Variants in HS3ST6 observed in about 807,000 individuals in gnomAD.
HS3ST6 encodes the protein heparan sulfate glucosamine 3-O-sulfotransferase 6.
HS3ST6 carries 13 observed loss-of-function variants against 11.0 expected under a neutral mutation model. The ratio of observed to expected loss-of-function variants is 1.18; its 90% CI spans 0.77 to 1.88. HS3ST6 has a LOEUF of 1.88. Among genes scored for constraint, HS3ST6 ranks in the 40% most tolerant of loss-of-function variants. The pLI is 0.00. For synonymous variants in HS3ST6, 232 were observed against 230.6 expected, an observed-to-expected ratio of 1.01 and a Z score of -0.06; for missense variants, 541 against 494.4, an observed-to-expected ratio of 1.09 and a Z score of -0.89.
At chr16:1,914,663 CCTT>C (rs2082914259) in intron 1 of HS3ST6, among the ~76,000 whole-genome samples, 1 of 152,166 alleles carries the variant, frequency 6.6e-6, no homozygotes, top group African/African-American at 2.4e-5. Context: ...CCCTGCCAGG[CCTT>C]CTCTCCAAAG....
chr16:1,920,426 T>C (rs960778198), upstream of HS3ST6, among the ~76,000 whole-genome samples: 4 of 151,208 alleles, frequency 2.6e-5, no homozygotes, highest in Non-Finnish European at 5.9e-5. Context: ...GTCTCAGCCA[T>C]CCCCACGGTC....
In HS3ST6 at chr16:1,912,433, G is replaced by A. The variant is rs527935886; in HGVS notation, c.414-228C>T. Among the ~76,000 whole-genome samples the A allele has an allele frequency of 3.9e-5, 6 of 152,218 alleles. No individual in the cohort carries two copies. The highest frequency in any genetic ancestry group is 1.3e-4 in the Admixed American group (2 of 15,292). On this transcript the variant is annotated intron_variant, in intron 1 of 1. Coordinates refer to ENST00000454677, the MANE Select transcript of HS3ST6 (RefSeq NM_001009606.4). The surrounding 1 kb of genome is among the most constrained non-coding windows in gnomAD (Gnocchi z 5.6). ...ACCTGCCTGCAGCCCGGCCTGTTCC[G>A]CCGGCCTGCCCCGCCTGCTGCTGCA...
rs1236277926 is a variant in HS3ST6, at chr16:1,911,497, T to G, written c.*93A>C. 4 of 1,377,064 alleles carry G rather than the reference T, an allele frequency of 2.9e-6. No individual in the cohort carries two copies. The East Asian group carries it at 1.0e-4, about 35-fold the overall frequency. 85.3% of individuals were successfully genotyped at this position (1,377,064 alleles called of 1,614,324 possible). A position where few individuals can be genotyped will look rare whatever the true frequency, so the allele number is the denominator to read the frequency against. ...AAATCTGGGTCCAAGCTTTATTTCT[T>G]AAATATTCCTCTCTGCCCAGCATGT... On this transcript the variant is annotated 3_prime_UTR_variant, in exon 2 of 2. Coordinates refer to ENST00000454677, the MANE Select transcript of HS3ST6 (RefSeq NM_001009606.4).
rs1231186550 is a variant in HS3ST6 at position 1,918,073 on chromosome 16, C to G, written c.251G>C (p.Gly84Ala). Residue 84 changes from glycine to alanine, a missense_variant, in exon 1 of 2, where the codon GGT becomes GCT. Gly to Ala is a moderately conservative substitution (Grantham distance 60). Transcript: ENST00000454677. The surrounding 1 kb of genome is among the most constrained non-coding windows in gnomAD (Gnocchi z 6.0). Reference protein sequence around the residue: ...PGAPGLPLASGPGRRRFPQAL... With the variant: ...PGAPGLPLASAPGRRRFPQAL... Reference sequence around the variant, plus strand: ...TTGCGGGAAGCGCCGGCGGCCGGGACCGCTGGCCAAAGGCAGGCCGGGTGC... The same window carrying G: ...TTGCGGGAAGCGCCGGCGGCCGGGAGCGCTGGCCAAAGGCAGGCCGGGTGC... 1 of 1,505,464 alleles carries G rather than the reference C, an allele frequency of 6.6e-7. No homozygotes were observed. The highest frequency in any genetic ancestry group is 8.8e-7 in the Non-Finnish European group (1 of 1,133,372). The allele number at this position is 1,505,464 out of a possible 1,614,324, so 93.3% of individuals were successfully genotyped here. A position where few individuals can be genotyped will look rare whatever the true frequency, so the allele number is the denominator to read the frequency against.
chr16:1,912,076 C>T lies in HS3ST6; in HGVS notation c.543G>A (p.Arg181=). The change falls in exon 2 of 2, where the codon CGG becomes CGA. Residue 181 remains arginine, a synonymous_variant. Coordinates refer to ENST00000454677, the MANE Select transcript of HS3ST6 (RefSeq NM_001009606.4). The surrounding 1 kb of genome is among the most constrained non-coding windows in gnomAD (Gnocchi z 5.6). ...SPDTKLIVVV[R]NPVTRAISDY... ...CGGAGATGGCCCGGGTCACGGGGTT[C>T]CGCACCACCACGATCAGCTTCGTGT... 6.6e-7 allele frequency: 1 copy of T among 1,513,384 alleles called. No individual in the cohort carries two copies. Among genetic ancestry groups the T allele is most frequent in the African/African-American group, 1.4e-5 (1 of 71,254 alleles). The allele number at this position is 1,513,384 out of a possible 1,614,324, so 93.7% of individuals were successfully genotyped here. A position where few individuals can be genotyped will look rare whatever the true frequency, so the allele number is the denominator to read the frequency against.
intron 1 of HS3ST6, among the ~76,000 whole-genome samples, chr16:1,916,333 C>A (rs925966144): frequency 5.3e-5 from 8 of 151,964 alleles, no homozygotes; most frequent in Admixed American, 1.3e-4. Context: ...ACCCACCCCT[C>A]CCCCTTCTAA....
chr16:1,911,881 G>A lies in HS3ST6; in HGVS notation c.738C>T (p.Phe246=), dbSNP rs369204071. ...LRYFPLSHFL[F]VSGERLVSDP... is the part of the protein sequence containing the mutation. ...CGCTGACCAGACGCTCCCCGCTGAC[G>A]AACAGGAAGTGGGACAGGGGGAAGT... is the stretch of plus-strand genomic sequence containing the variant. Residue 246 remains phenylalanine, a synonymous_variant, in exon 2 of 2, where the codon TTC becomes TTT. Transcript: ENST00000454677. 1.2e-5 allele frequency: 19 copies of A among 1,607,014 alleles called. 1 individual carries two copies. In the Middle Eastern group the frequency reaches 6.6e-4, roughly 56 times the overall value.
chr16:1,911,586 C>A lies in HS3ST6; in HGVS notation c.*4G>T. On this transcript the variant is annotated 3_prime_UTR_variant, in exon 2 of 2. Transcript: ENST00000454677. ...CAAGGTGCTGAGCATCCCCAGGGTGCCGCTCAGCCCCAGCCGAAGTCCTGG... is the reference window on the plus strand; with the variant it reads ...CAAGGTGCTGAGCATCCCCAGGGTGACGCTCAGCCCCAGCCGAAGTCCTGG... 6.3e-7 allele frequency: 1 copy of A among 1,586,494 alleles called. No homozygotes were observed. The highest frequency in any genetic ancestry group is 8.6e-7 in the Non-Finnish European group (1 of 1,166,970).
At chr16:1,917,791 C>G in intron 1 of HS3ST6, 120 bp downstream of exon 1, 1 of 780,440 alleles carries the variant, frequency 1.3e-6, no homozygotes, top group Non-Finnish European at 1.8e-6. Context: ...GGTCCCAACC[C>G]CACTGCCCGG....
chr16:1,914,361 G>A (rs1207204722), intron 1 of HS3ST6, among the ~76,000 whole-genome samples: 4 of 152,150 alleles, frequency 2.6e-5, no homozygotes, highest in South Asian at 2.1e-4. Context: ...AGGTCAAGAA[G>A]GGGAGGCACC....
upstream of HS3ST6, among the ~76,000 whole-genome samples, chr16:1,919,682 C>T (rs1281697363): frequency 6.6e-6 from 1 of 152,234 alleles, no homozygotes; most frequent in Non-Finnish European, 1.5e-5. Context: ...CCTCAAGGGG[C>T]CGAAGGCCTC....
chr16:1,913,686 C>T (rs2082907674), intron 1 of HS3ST6, among the ~76,000 whole-genome samples: 1 of 152,154 alleles, frequency 6.6e-6, no homozygotes, highest in Non-Finnish European at 1.5e-5. Flanking sequence ...GCCCCAGGAC[C>T]GGCCCCTGCC....
Position 1,912,064 on chromosome 16 carries a change from G to A in HS3ST6, c.555C>T (p.Thr185=). ...TCTGGGCGTAGTCGGAGATGGCCCG[G>A]GTCACGGGGTTCCGCACCACCACGA... The part of the protein sequence containing the change: ...KLIVVVRNPV[T]RAISDYAQTL... The change falls in exon 2 of 2, where the codon ACC becomes ACT. Residue 185 remains threonine, a synonymous_variant. Transcript: ENST00000454677. This position sits in a 1 kb window ranked among gnomAD's most constrained non-coding sequence, Gnocchi z 5.6. 3 of 1,514,656 alleles carry A rather than the reference G, an allele frequency of 2.0e-6. No homozygotes were observed. The highest frequency in any genetic ancestry group is 2.3e-5 in the East Asian group (1 of 43,154). 93.8% of individuals were successfully genotyped at this position (1,514,656 alleles called of 1,614,324 possible).
At chr16:1,920,058 C>CA (rs2082952965), upstream of HS3ST6, among the ~76,000 whole-genome samples, 1 of 146,038 alleles carries the variant, frequency 6.8e-6, no homozygotes, top group African/African-American at 2.5e-5. Context: ...GGAGTCCCCA[C>CA]GGTCTCAGCA....
chr16:1,918,042 G>A lies in HS3ST6; in HGVS notation c.282C>T (p.Leu94=). 6.6e-7 allele frequency: 1 copy of A among 1,520,108 alleles called. No individual in the cohort carries two copies. Among genetic ancestry groups the A allele is most frequent in the Non-Finnish European group, 8.8e-7 (1 of 1,140,900 alleles). 94.2% of individuals were successfully genotyped at this position (1,520,108 alleles called of 1,614,324 possible). The change falls in exon 1 of 2, where the codon CTC becomes CTT. Residue 94 remains leucine (L), a synonymous_variant. Coordinates refer to ENST00000454677, the MANE Select transcript of HS3ST6 (RefSeq NM_001009606.4). The surrounding 1 kb of genome is among the most constrained non-coding windows in gnomAD (Gnocchi z 6.0). ...TGCCGCCCTTCTTCACGCCAACGAT[G>A]AGCGCTTGCGGGAAGCGCCGGCGGC... ...GPGRRRFPQA[L]IVGVKKGGTR... is the part of the protein sequence containing the mutation.
At position 1,918,333 on chromosome 16, in the gene HS3ST6, C is replaced by T; in HGVS notation, c.-10G>A. The T allele has an allele frequency of 3.1e-6, 1 of 319,258 alleles. No individual in the cohort carries two copies. Among genetic ancestry groups the T allele is most frequent in the Non-Finnish European group, 3.5e-6 (1 of 288,418 alleles). The allele number at this position is 319,258 out of a possible 1,614,324, so 19.8% of individuals were successfully genotyped here. ...CGCCGCTACCTGCCATGGGGTCGCGCCGCTCCAGGCCCGGGAGCGGGGGCA... is the reference window on the plus strand; with the variant it reads ...CGCCGCTACCTGCCATGGGGTCGCGTCGCTCCAGGCCCGGGAGCGGGGGCA... On this transcript the variant is annotated 5_prime_UTR_variant, in exon 1 of 2. Transcript: ENST00000454677. This position sits in a 1 kb window ranked among gnomAD's most constrained non-coding sequence, Gnocchi z 6.0.
chr16:1,916,557 C>A (rs2082928086), intron 1 of HS3ST6, among the ~76,000 whole-genome samples: 1 of 152,074 alleles, frequency 6.6e-6, no homozygotes, highest in Admixed American at 6.5e-5. Context: ...GGAGCCTGGG[C>A]TCTTCCAGAA....
At chr16:1,913,835 G>T (rs2082908549) in intron 1 of HS3ST6, among the ~76,000 whole-genome samples, 1 of 152,154 alleles carries the variant, frequency 6.6e-6, no homozygotes, top group South Asian at 2.1e-4. Flanking sequence ...GCAGTGGGGT[G>T]CTCGGTGGAG....
At position 1,911,643 on chromosome 16, in the gene HS3ST6, G is replaced by A. The variant is rs1262695708; in HGVS notation, c.976C>T (p.Pro326Ser). Reference protein sequence around the residue: ...LVRRLQEFYRPFNRRFYQMTG... With the variant: ...LVRRLQEFYRSFNRRFYQMTG... ...ATCTGGTAGAACCTGCGGTTGAAGG[G>A]CCGGTAGAACTCCTGCAGGCGCCGG... Residue 326 changes from proline (P) to serine (S), a missense_variant, in exon 2 of 2, where the codon CCC (proline) becomes TCC (serine). By Grantham distance (74) the Pro-to-Ser change is moderately conservative (BLOSUM62 -1). Coordinates refer to ENST00000454677, the MANE Select transcript of HS3ST6 (RefSeq NM_001009606.4). The A allele has an allele frequency of 6.2e-7, 1 of 1,609,628 alleles. No individual in the cohort carries two copies. Among genetic ancestry groups the A allele is most frequent in the South Asian group, 1.1e-5 (1 of 90,656 alleles).
Sources: gnomAD v4.1 joint callset for allele counts (sites outside exome capture counted in the v4.1 genomes callset) on GRCh38, gnomAD v4.1.1 for gene constraint, Gnocchi (gnomAD v3.1) non-coding constraint, MANE v1.5 for transcripts, NCBI Gene and HGNC (gene_info 2026-07-23, HGNC 2026-07-21) for gene names.